Variants in CHCHD6 observed in about 807,000 individuals in gnomAD.
CHCHD6 encodes MICOS complex subunit MIC25.
CHCHD6 carries 28 observed loss-of-function variants against 32.3 expected under a neutral mutation model. That is an observed-to-expected ratio of 0.87 (90% CI 0.64 to 1.19). The LOEUF (loss-of-function observed/expected upper bound fraction) is 1.19. Among genes scored for constraint, CHCHD6 ranks in the 50% most tolerant of loss-of-function variants. The pLI is 0.00. For synonymous variants in CHCHD6, 122 were observed against 117.5 expected (o/e 1.04, Z -0.25); for missense variants, 333 against 307.0 (o/e 1.08, Z -0.63).
At chr3:126,852,964 C>T (rs555095783) in intron 5 of CHCHD6, among the ~76,000 whole-genome samples, 120 of 152,276 alleles carry the variant, frequency 7.9e-4, no homozygotes, top group Non-Finnish European at 1.3e-3. Flanking sequence ...CCCTGCCCCA[C>T]CTTTTTTTGT....
intron 4 of CHCHD6, chr3:126,766,881 G>T: frequency 2.0e-6 from 2 of 976,912 alleles, no homozygotes; most frequent in Non-Finnish European, 3.3e-6. Flanking sequence ...CCAGGTGGGG[G>T]ACCATCTCAT....
chr3:126,787,639 T>G (rs1938288172), intron 4 of CHCHD6, among the ~76,000 whole-genome samples: 1 of 152,194 alleles, frequency 6.6e-6, no homozygotes, highest in Non-Finnish European at 1.5e-5. Context: ...CTGTTATTGG[T>G]GTATAGGAAT....
chr3:126,894,655 G>T (rs538421890), intron 5 of CHCHD6, among the ~76,000 whole-genome samples: 23 of 152,164 alleles, frequency 1.5e-4, no homozygotes, highest in Admixed American at 1.5e-3. Flanking sequence ...CACCCATCAC[G>T]GTGGGAGGCA....
chr3:126,911,416 G>A (rs1038858587), intron 5 of CHCHD6, among the ~76,000 whole-genome samples: 1 of 152,226 alleles, frequency 6.6e-6, no homozygotes, highest in African/African-American at 2.4e-5. Flanking sequence ...CCTGGTGGAT[G>A]AGCAGCTTTG....
intron 1 of CHCHD6, among the ~76,000 whole-genome samples, chr3:126,719,443 A>G (rs2107653629): frequency 6.6e-6 from 1 of 152,310 alleles, no homozygotes; most frequent in East Asian, 1.9e-4. Flanking sequence ...TTTCATAGAT[A>G]GCACCAATCA....
chr3:126,836,695 GAT>G (rs541484492), intron 4 of CHCHD6, among the ~76,000 whole-genome samples: 69 of 152,348 alleles, frequency 4.5e-4, no homozygotes, highest in Admixed American at 2.5e-3. Flanking sequence ...ATTGTGCGGA[GAT>G]GCTGAGAGGA....
At chr3:126,769,810 C>T (rs990600562) in intron 4 of CHCHD6, among the ~76,000 whole-genome samples, 6 of 152,126 alleles carry the variant, frequency 3.9e-5, no homozygotes, top group African/African-American at 1.4e-4. Flanking sequence ...CTGGCCCAGG[C>T]TCTTTTTTGA....
At chr3:126,826,926 G>A (rs963000895) in intron 4 of CHCHD6, among the ~76,000 whole-genome samples, 1 of 152,176 alleles carries the variant, frequency 6.6e-6, no homozygotes, top group African/African-American at 2.4e-5. Flanking sequence ...GTGTGGGCCT[G>A]AGGGACCAGG....
chr3:126,893,111 G>A (rs1402395756), intron 5 of CHCHD6, among the ~76,000 whole-genome samples: 1 of 151,954 alleles, frequency 6.6e-6, no homozygotes, highest in Non-Finnish European at 1.5e-5. Flanking sequence ...TGGGATTACA[G>A]GGACCCGCCA....
At chr3:126,772,747 A>C (rs1194917099) in intron 4 of CHCHD6, among the ~76,000 whole-genome samples, 1 of 152,100 alleles carries the variant, frequency 6.6e-6, no homozygotes, top group East Asian at 1.9e-4. Context: ...GTTAGTATTG[A>C]TATGTGTGAA....
chr3:126,831,272 A>T (rs902630223), intron 4 of CHCHD6, among the ~76,000 whole-genome samples: 2 of 151,530 alleles, frequency 1.3e-5, no homozygotes, highest in Non-Finnish European at 2.9e-5. Flanking sequence ...TGATCCGCCC[A>T]CCTCGGCCTC....
chr3:126,788,769 C>G (rs892851370), intron 4 of CHCHD6, among the ~76,000 whole-genome samples: 3 of 152,122 alleles, frequency 2.0e-5, no homozygotes, highest in African/African-American at 7.2e-5. Flanking sequence ...TTTCAAACAA[C>G]CAGCTCCTGG....
chr3:126,747,714 C>T (rs1012621605), intron 4 of CHCHD6, among the ~76,000 whole-genome samples: 5 of 152,278 alleles, frequency 3.3e-5, no homozygotes, highest in African/African-American at 1.2e-4. Context: ...GTCTCCCTGC[C>T]CACAGGGTCT....
chr3:126,923,675 G>A (rs991070848), intron 6 of CHCHD6, among the ~76,000 whole-genome samples: 2 of 152,258 alleles, frequency 1.3e-5, no homozygotes, highest in Non-Finnish European at 2.9e-5. Context: ...TACCTGACGT[G>A]TGGCCTGGGT....
intron 5 of CHCHD6, among the ~76,000 whole-genome samples, chr3:126,886,248 T>C (rs1269397527): frequency 6.6e-6 from 1 of 152,246 alleles, no homozygotes; most frequent in African/African-American, 2.4e-5. Context: ...TCACAAGTTC[T>C]CTTTTGGAGT....
intron 5 of CHCHD6, chr3:126,865,420 CACT>C: frequency 4.0e-6 from 1 of 251,610 alleles, no homozygotes; most frequent in Non-Finnish European, 6.3e-6. Context: ...CCACAACCAC[CACT>C]GCCACCTCTA....
At chr3:126,910,273 G>GAAAAAAAAAAAAAA (rs547565601) in intron 5 of CHCHD6, among the ~76,000 whole-genome samples, 32 of 111,420 alleles carry the variant, frequency 2.9e-4, no homozygotes, top group Non-Finnish European at 5.1e-4. Flanking sequence ...CCTGCCTCAG[G>GAAAAAAAAAAAAAA]AAAAAAAAAA....
intron 4 of CHCHD6, among the ~76,000 whole-genome samples, chr3:126,834,522 G>C (rs1235133212): frequency 6.6e-6 from 1 of 152,122 alleles, no homozygotes; most frequent in Admixed American, 6.5e-5. Context: ...GCCAGAAGCA[G>C]GGGAGCTCCT....
chr3:126,838,337 G>C (rs554396647), intron 4 of CHCHD6, among the ~76,000 whole-genome samples: 285 of 152,292 alleles, frequency 1.9e-3, no homozygotes, highest in Non-Finnish European at 2.1e-3. Context: ...TCCTGGCACA[G>C]GTAGGTGGTT....
Sources: gnomAD v4.1 joint callset for allele counts (sites outside exome capture counted in the v4.1 genomes callset) on GRCh38, gnomAD v4.1.1 for gene constraint, MANE v1.5 for transcripts, NCBI Gene and HGNC (gene_info 2026-07-23, HGNC 2026-07-21) for gene names.